RAB44: variants seen among roughly 807,000 people sequenced by gnomAD.
RAB44 encodes ras-related protein Rab-44.
In RAB44, 67 loss-of-function variants were observed where a neutral mutation model predicts 93.3. The ratio of observed to expected loss-of-function variants is 0.72; its 90% confidence interval spans 0.59 to 0.88. The LOEUF is 0.88. RAB44 is among the 40% of genes least tolerant of loss of function. The pLI, the probability that RAB44 is intolerant of heterozygous loss-of-function variation, is 0.00. For missense variants in RAB44, 1,064 were observed against 1,261.7 expected (o/e 0.84, Z 2.37); for synonymous variants, 427 against 520.3 (o/e 0.82, Z 2.44).
At chr6:36,713,764 C>A in intron 2 of RAB44, 64 bp from the exon 3 acceptor site, 1 of 1,015,804 alleles carries the variant, frequency 9.8e-7, no homozygotes, top group Non-Finnish European at 1.5e-6. Flanking sequence ...AAACATCTCT[C>A]CGTTTTGGAG....
rs753034715 is a variant in RAB44 at position 36,715,583 on chromosome 6, G to A, written c.424G>A (p.Ala142Thr). The change falls in exon 4 of 14, where the codon GCG becomes ACG. Residue 142 changes from alanine (A) to threonine (T), a missense_variant. Physicochemically the swap from Ala to Thr is moderately conservative, Grantham distance 58 (BLOSUM62 0). Transcript: ENST00000612677. ...CACCAGCTTCCCAGCTCTGGAGGAG[G>A]CGGATGCTGAGGAGAAGGAGGCGTT... is the stretch of plus-strand genomic sequence containing the variant. ...ATTSFPALEE[A>T]DAEEKEAFLA... 1.3e-6 allele frequency: 2 copies of A among 1,536,212 alleles called. No homozygotes were observed. Among genetic ancestry groups the A allele is most frequent in the Non-Finnish European group, 8.7e-7 (1 of 1,146,916 alleles).
rs2150338241 is a variant in RAB44 at position 36,722,340 on chromosome 6, C to G, written c.2206C>G (p.Pro736Ala). 3 of 1,344,444 alleles carry G rather than the reference C, an allele frequency of 2.2e-6. No individual in the cohort carries two copies. Among genetic ancestry groups the G allele is most frequent in the Admixed American group, 3.3e-5 (1 of 30,128 alleles). 83.3% of individuals were successfully genotyped at this position (1,344,444 alleles called of 1,614,324 possible). A position where few individuals can be genotyped will look rare whatever the true frequency, so the allele number is the denominator to read the frequency against. The change falls in exon 9 of 14, where the codon CCT becomes GCT. Residue 736 changes from proline (P) to alanine (A), a missense_variant. Physicochemically the swap from Pro to Ala is conservative, Grantham distance 27. Coordinates refer to ENST00000612677, the MANE Select transcript of RAB44 (RefSeq NM_001257357.2). The stretch of plus-strand genomic sequence containing the variant: ...TCAGGTGGAAGCAGAAGGCCCCACT[C>G]CTGGAAAATCGGCACCTCCAAGGGG... The part of the protein sequence containing the change: ...QAQVEAEGPT[P>A]GKSAPPRGSP...
At chr6:36,725,142 A>C (rs539658991) in intron 9 of RAB44, among the ~76,000 whole-genome samples, 1 of 152,304 alleles carries the variant, frequency 6.6e-6, no homozygotes, top group African/African-American at 2.4e-5. Context: ...TTTTCAGTTC[A>C]GAATTGCATG....
chr6:36,699,589 G>A (rs974289064), intron 1 of RAB44, among the ~76,000 whole-genome samples: 6 of 152,314 alleles, frequency 3.9e-5, no homozygotes, highest in African/African-American at 9.6e-5. Context: ...TCCACTGGGT[G>A]TTTGTCATCC....
intron 10 of RAB44, among the ~76,000 whole-genome samples, chr6:36,727,091 G>A (rs1296913205): frequency 6.6e-5 from 10 of 152,204 alleles, no homozygotes; most frequent in South Asian, 2.1e-4. Flanking sequence ...GTGAGCCACC[G>A]TGCCCAGCCC....
intron 3 of RAB44, 122 bp downstream of exon 3, chr6:36,714,061 C>A (rs765844563): frequency 4.5e-6 from 3 of 668,994 alleles, no homozygotes; most frequent in East Asian, 2.8e-5. Context: ...CCCCCATCCC[C>A]GGCTGCCACA....
intron 2 of RAB44, 40 bp from the exon 3 acceptor site, chr6:36,713,788 C>A: frequency 7.7e-7 from 1 of 1,298,676 alleles, no homozygotes; most frequent in Non-Finnish European, 1.1e-6. Context: ...GAGAGCCTTC[C>A]CCGGTGGGAA....
rs1161976762 is a variant in RAB44 at position 36,720,494 on chromosome 6, G to C, written c.960G>C (p.Arg320Ser). 1.2e-5 allele frequency: 15 copies of C among 1,233,260 alleles called. No homozygotes were observed. The highest frequency in any genetic ancestry group is 1.5e-5 in the Non-Finnish European group (15 of 988,286). 76.4% of individuals were successfully genotyped at this position (1,233,260 alleles called of 1,614,324 possible). A position where few individuals can be genotyped will look rare whatever the true frequency, so the allele number is the denominator to read the frequency against. The part of the protein sequence containing the change: ...EEVRGQLQVT[R>S]GRLDAARGRV... ...TGCGGGGGCAGCTGCAGGTGACCAG[G>C]GGGCGCCTGGACGCCGCCAGGGGCC... Residue 320 changes from arginine to serine, a missense_variant, in exon 8 of 14, where the codon AGG becomes AGC. Physicochemically the swap from Arg to Ser is moderately radical, Grantham distance 110 (BLOSUM62 -1). Coordinates refer to ENST00000612677, the MANE Select transcript of RAB44 (RefSeq NM_001257357.2).
Position 36,730,758 on chromosome 6 carries a change from T to TGGCC in RAB44, c.2975+10_2975+11insGCCG. On this transcript the variant is annotated intron_variant, in intron 13 of 13. Transcript: ENST00000612677. ...GTAGTAAACCTGGCCAGGTAAGTGC[T>TGGCC]GCCCGCCCCCCGCCGCCCCCACCCC... 1 of 1,219,546 alleles carries TGGCC rather than the reference T, an allele frequency of 8.2e-7. No homozygotes were observed. The highest frequency in any genetic ancestry group is 1.0e-6 in the Non-Finnish European group (1 of 980,148). The allele number at this position is 1,219,546 out of a possible 1,614,324, so 75.5% of individuals were successfully genotyped here.
chr6:36,708,127 G>T (rs955742212), intron 2 of RAB44, among the ~76,000 whole-genome samples: 3 of 151,902 alleles, frequency 2.0e-5, no homozygotes, highest in Admixed American at 6.6e-5. Context: ...TGGGAAGATT[G>T]CTTGAGCCTG....
chr6:36,713,027 G>A (rs577745623), intron 2 of RAB44, among the ~76,000 whole-genome samples: 11 of 152,354 alleles, frequency 7.2e-5, no homozygotes, highest in Non-Finnish European at 1.0e-4. Context: ...AGCCCATGAC[G>A]TGCACTTGTG....
At chr6:36,719,815 A>G (rs236482) in intron 7 of RAB44, among the ~76,000 whole-genome samples, 102,835 of 152,058 alleles carry the variant, frequency 0.68, 36,044 homozygotes, top group Non-Finnish European at 0.79. Flanking sequence ...GGAAGTTCAC[A>G]GAACAGTAAG....
At chr6:36,698,360 C>T (rs565296107) in intron 1 of RAB44, among the ~76,000 whole-genome samples, 4 of 152,292 alleles carry the variant, frequency 2.6e-5, no homozygotes, top group Admixed American at 6.5e-5. Context: ...GATGGATACC[C>T]GGAGGCCCCA....
chr6:36,698,416 A>G (rs1439498881), intron 1 of RAB44, among the ~76,000 whole-genome samples: 1 of 151,910 alleles, frequency 6.6e-6, no homozygotes, highest in Admixed American at 6.6e-5. Flanking sequence ...CTGCTGCCCC[A>G]CCCCACTCTT....
At chr6:36,703,286 C>T (rs80183487) in intron 1 of RAB44, among the ~76,000 whole-genome samples, 10,085 of 152,178 alleles carry the variant, frequency 0.066, 852 homozygotes, top group African/African-American at 0.2. Context: ...CAGGCCCCAT[C>T]GCCCAACACT....
At chr6:36,716,640 G>A (rs1261352237) in intron 4 of RAB44, among the ~76,000 whole-genome samples, 2 of 152,050 alleles carry the variant, frequency 1.3e-5, no homozygotes, top group African/African-American at 2.4e-5. Context: ...CTCACGCTTG[G>A]CTCCCGGAGG....
Position 36,722,510 on chromosome 6 carries a change from C to T in RAB44, c.2376C>T (p.Ser792=), listed in dbSNP as rs532827262. Reference sequence around the variant, plus strand: ...CAGAAGAACAAGGCCCGCCTCACTCCAGGGAACCAAGGGCAGAGAGCAGGC... The same window carrying T: ...CAGAAGAACAAGGCCCGCCTCACTCTAGGGAACCAAGGGCAGAGAGCAGGC... ...AHAEEQGPPH[S]REPRAESRLE... is the part of the protein sequence containing the mutation. Residue 792 remains serine, a synonymous_variant, in exon 9 of 14, where the codon TCC becomes TCT. Coordinates refer to ENST00000612677, the MANE Select transcript of RAB44 (RefSeq NM_001257357.2). 2.2e-5 allele frequency: 33 copies of T among 1,510,230 alleles called. 1 individual carries two copies. In the South Asian group the frequency reaches 2.2e-4, roughly 10 times the overall value. 93.6% of individuals were successfully genotyped at this position (1,510,230 alleles called of 1,614,324 possible).
At position 36,715,704 on chromosome 6, in the gene RAB44, G is replaced by A. The variant is rs997948337; in HGVS notation, c.494+51G>A. On this transcript the variant is annotated intron_variant, in intron 4 of 13. Transcript: ENST00000612677. The stretch of plus-strand genomic sequence containing the variant: ...GGGAGAGGCTCTGCCAGCCATTGAC[G>A]GCAGGGGCTTTCCTGGACACAGCAG... 37 of 1,518,310 alleles carry A rather than the reference G, an allele frequency of 2.4e-5. No homozygotes were observed. The African/African-American group carries it at 4.1e-4, about 17-fold the overall frequency. The allele number at this position is 1,518,310 out of a possible 1,614,324, so 94.1% of individuals were successfully genotyped here.
chr6:36,700,188 G>A (rs138887249), intron 1 of RAB44, among the ~76,000 whole-genome samples: 69 of 152,288 alleles, frequency 4.5e-4, no homozygotes, highest in Middle Eastern at 3.4e-3. Context: ...CTTAATCCTC[G>A]CAGCATCCCC....
Sources: allele counts gnomAD v4.1 joint callset (sites outside exome capture counted in the v4.1 genomes callset), GRCh38; gene constraint gnomAD v4.1.1; transcripts MANE v1.5; gene names NCBI Gene and HGNC (gene_info 2026-07-23, HGNC 2026-07-21).